The following NUP93 variants were observed in gnomAD, a reference collection of about 807,000 sequenced individuals.
NUP93 encodes the protein nucleoporin 93, also known as nuclear pore complex protein Nup93.
A neutral mutation model predicts 107.8 loss-of-function variants in NUP93; 55 were observed. The ratio of observed to expected loss-of-function variants is 0.51; its 90% CI spans 0.41 to 0.64. The LOEUF (loss-of-function observed/expected upper bound fraction) is 0.64. Among genes scored for constraint, NUP93 ranks in the 30% least tolerant of loss-of-function variants. NUP93 has a pLI of 0.00. For synonymous variants in NUP93, 390 were observed against 397.5 expected (o/e 0.98, Z 0.22); for missense variants, 937 against 1,044.7 (o/e 0.90, Z 1.42).
chr16:56,743,100 C>T (rs1410277673), intron 1 of NUP93, among the ~76,000 whole-genome samples: 2 of 152,210 alleles, frequency 1.3e-5, no homozygotes, highest in African/African-American at 4.8e-5. Context: ...TAGGTATCTA[C>T]TCTTTCTAGC....
intron 3 of NUP93, among the ~76,000 whole-genome samples, chr16:56,794,594 G>A (rs1474885737): frequency 7.0e-6 from 1 of 143,188 alleles, no homozygotes; most frequent in Non-Finnish European, 1.5e-5. Flanking sequence ...TAGAGAGAGA[G>A]AGAGAGAGAG....
chr16:56,798,572 G>A (rs750052711), intron 4 of NUP93, 34 bp downstream of exon 4: 2 of 1,569,446 alleles, frequency 1.3e-6, no homozygotes, highest in South Asian at 2.2e-5. Context: ...GATGTATACA[G>A]ATGAGGGCAA....
chr16:56,806,139 C>T (rs1049379341), intron 5 of NUP93, among the ~76,000 whole-genome samples: 52 of 150,476 alleles, frequency 3.5e-4, no homozygotes, highest in African/African-American at 1.3e-3. Flanking sequence ...CAACTCCTTC[C>T]CTATCCCCCT....
At chr16:56,731,222 T>G (rs1280853583) in intron 1 of NUP93, among the ~76,000 whole-genome samples, 1 of 152,116 alleles carries the variant, frequency 6.6e-6, no homozygotes, top group African/African-American at 2.4e-5. Flanking sequence ...ATATCTCCAC[T>G]GAGATGGGTT....
chr16:56,808,793 TATATAAATACATATATAA>T (rs546213907), intron 5 of NUP93, among the ~76,000 whole-genome samples: 2,611 of 145,010 alleles, frequency 0.018, 38 homozygotes, highest in African/African-American at 0.025. Context: ...TATAAATATG[TATATAAATACATATATAA>T]ATATAAATAC....
chr16:56,783,993 G>A (rs1416334342), intron 3 of NUP93: 8 of 624,460 alleles, frequency 1.3e-5, no homozygotes, highest in South Asian at 7.1e-5. Context: ...GAGGTTCTGC[G>A]TTACACTGGA....
chr16:56,825,815 T>C (rs1282607023), intron 8 of NUP93, among the ~76,000 whole-genome samples: 1 of 152,240 alleles, frequency 6.6e-6, no homozygotes, highest in Admixed American at 6.5e-5. Flanking sequence ...TCTCATGGCA[T>C]CTTTTGTGAG....
At chr16:56,836,907 G>C (rs1963923540) in intron 17 of NUP93, among the ~76,000 whole-genome samples, 190 bp downstream of exon 17, 2 of 152,236 alleles carry the variant, frequency 1.3e-5, no homozygotes, top group Admixed American at 6.5e-5. Context: ...CTGCCCATAA[G>C]ATTTTTCTGA....
chr16:56,794,851 C>T (rs1341395792), intron 3 of NUP93, among the ~76,000 whole-genome samples: 10 of 141,908 alleles, frequency 7.0e-5, no homozygotes, highest in Non-Finnish European at 1.2e-4. Flanking sequence ...TGGCTTGAAC[C>T]CGGGAGGTGG....
chr16:56,734,426 CAGA>C (rs1961580995), intron 1 of NUP93, among the ~76,000 whole-genome samples: 1 of 152,064 alleles, frequency 6.6e-6, no homozygotes, highest in Non-Finnish European at 1.5e-5. Flanking sequence ...AGAGTGGTAA[CAGA>C]AGGAGTTGGG....
rs532262721 is a variant in NUP93 at position 56,742,723 on chromosome 16, ATTT to A, written c.-14-5509_-14-5507del. 1.6e-3 allele frequency among the ~76,000 whole-genome samples: 238 copies of A among 152,040 alleles called. 3 individuals are homozygous for A. The highest frequency in any genetic ancestry group is 1.9e-3 in the Non-Finnish European group (131 of 67,964). On this transcript the variant is annotated intron_variant, in intron 1 of 21. Coordinates refer to ENST00000308159, the MANE Select transcript of NUP93 (RefSeq NM_014669.5). ...GCTCTTTTGTAGCTTCCTTTGTTTC[ATTT>A]TCCTTTTCCCTTTGTAGCTTTGGTG...
At chr16:56,795,729 C>T (rs1962882467) in intron 3 of NUP93, among the ~76,000 whole-genome samples, 2 of 152,040 alleles carry the variant, frequency 1.3e-5, no homozygotes, top group Admixed American at 1.3e-4. Flanking sequence ...TCACTGCAAC[C>T]TCTGCCTCCC....
chr16:56,821,744 G>T, intron 7 of NUP93, 151 bp downstream of exon 7: 1 of 535,092 alleles, frequency 1.9e-6, no homozygotes, highest in East Asian at 3.0e-5. Context: ...AAATAACTTT[G>T]GGTGGTTTTC....
Position 56,836,716 on chromosome 16 carries a change from A to C in NUP93, c.1898A>C (p.Lys633Thr). ...GCAGCAAAGCTGTATGACCTTGCCAAGGTAAAGTGTGCCCACTTCCTTCTT... is the reference window on the plus strand; with the variant it reads ...GCAGCAAAGCTGTATGACCTTGCCACGGTAAAGTGTGCCCACTTCCTTCTT... Reference protein sequence around the residue: ...EEAAKLYDLAKNADKVLELMN... With the variant: ...EEAAKLYDLATNADKVLELMN... Residue 633 changes from lysine (K) to threonine (T), a missense_variant and splice_region_variant, in exon 17 of 22, where the codon AAG becomes ACG. By Grantham distance (78) the Lys-to-Thr change is moderately conservative. Transcript: ENST00000308159. The C allele has an allele frequency of 6.2e-7, 1 of 1,601,214 alleles. No homozygotes were observed. Among genetic ancestry groups the C allele is most frequent in the Non-Finnish European group, 8.5e-7 (1 of 1,169,608 alleles).
intron 3 of NUP93, among the ~76,000 whole-genome samples, chr16:56,767,149 G>T (rs1375107939): frequency 1.3e-5 from 2 of 152,356 alleles, no homozygotes; most frequent in African/African-American, 4.8e-5. Context: ...CACAAGATCA[G>T]CAGTGGTGCA....
chr16:56,737,187 T>A (rs761444524), intron 1 of NUP93, among the ~76,000 whole-genome samples: 132 of 152,346 alleles, frequency 8.7e-4, no homozygotes, highest in Admixed American at 1.4e-3. Context: ...CTCACAGTTT[T>A]GGAGGCTGGA....
intron 2 of NUP93, among the ~76,000 whole-genome samples, chr16:56,751,655 A>G (rs1314475514): frequency 6.6e-6 from 1 of 152,252 alleles, no homozygotes; most frequent in Non-Finnish European, 1.5e-5. Flanking sequence ...ACTGAGGCTT[A>G]GAAAGATTAT....
chr16:56,765,458 G>C (rs1184283989), intron 3 of NUP93, among the ~76,000 whole-genome samples: 1 of 152,164 alleles, frequency 6.6e-6, no homozygotes, highest in African/African-American at 2.4e-5. Flanking sequence ...ATGCTCCTGG[G>C]CTCAGTAGGA....
At chr16:56,817,007 C>T (rs576703465) in intron 5 of NUP93, among the ~76,000 whole-genome samples, 18 of 152,142 alleles carry the variant, frequency 1.2e-4, no homozygotes, top group Admixed American at 2.0e-4. Flanking sequence ...CCTAATAACT[C>T]GAAATGCCAG....
Sources: gnomAD v4.1 joint callset for allele counts (sites outside exome capture counted in the v4.1 genomes callset) on GRCh38, gnomAD v4.1.1 for gene constraint, MANE v1.5 for transcripts, NCBI Gene and HGNC (gene_info 2026-07-23, HGNC 2026-07-21) for gene names.